SH3PXD2A: variants seen among roughly 807,000 people sequenced by gnomAD.
SH3PXD2A encodes the protein SH3 and PX domain-containing protein 2A.
In SH3PXD2A, 32 loss-of-function variants were observed where a neutral mutation model predicts 115.2. That is an observed-to-expected ratio of 0.28 (90% confidence interval 0.21 to 0.37). The LOEUF (loss-of-function observed/expected upper bound fraction) is 0.37, where lower values mean the gene tolerates loss of function less well. Ranked by LOEUF, SH3PXD2A falls within the 10% of genes least tolerant of loss-of-function variation. The pLI is 1.00. For synonymous variants in SH3PXD2A, 610 were observed against 629.1 expected, an observed-to-expected ratio of 0.97 and a Z score of 0.45; for missense variants, 1,328 against 1,498.7, an observed-to-expected ratio of 0.89 and a Z score of 1.88.
chr10:103,837,467 A>G (rs932348140), intron 1 of SH3PXD2A, among the ~76,000 whole-genome samples: 2 of 152,148 alleles, frequency 1.3e-5, no homozygotes, highest in African/African-American at 2.4e-5. Flanking sequence ...AGGGATGACA[A>G]TTAGCCCCCT....
intron 2 of SH3PXD2A, among the ~76,000 whole-genome samples, chr10:103,797,789 T>C (rs1382873324): frequency 6.6e-6 from 1 of 151,848 alleles, no homozygotes; most frequent in African/African-American, 2.4e-5. Flanking sequence ...TGGAGAGAAA[T>C]GGAAAAACCA....
chr10:103,645,775 C>T (rs2037026793), intron 8 of SH3PXD2A, among the ~76,000 whole-genome samples: 1 of 152,202 alleles, frequency 6.6e-6, no homozygotes, highest in Admixed American at 6.5e-5. Flanking sequence ...AAACAAAGTC[C>T]TCCTGGGTGC....
At chr10:103,660,444 G>C (rs923185269) in intron 8 of SH3PXD2A, among the ~76,000 whole-genome samples, 6 of 152,174 alleles carry the variant, frequency 3.9e-5, no homozygotes, top group African/African-American at 1.4e-4. Context: ...TGCTTTCCAG[G>C]TCCTGGGGCC....
chr10:103,798,291 T>C (rs2039114068), intron 2 of SH3PXD2A, among the ~76,000 whole-genome samples: 1 of 152,160 alleles, frequency 6.6e-6, no homozygotes, highest in Non-Finnish European at 1.5e-5. Flanking sequence ...CTTCACGACC[T>C]AAACTGGTTT....
At chr10:103,843,374 G>A (rs940920827) in intron 1 of SH3PXD2A, among the ~76,000 whole-genome samples, 3 of 152,174 alleles carry the variant, frequency 2.0e-5, no homozygotes, top group Admixed American at 6.5e-5. Flanking sequence ...AGCAAGCATG[G>A]GGCTGAAAAT....
chr10:103,611,526 T>C, intron 13 of SH3PXD2A, 55 bp downstream of exon 13: 1 of 1,469,830 alleles, frequency 6.8e-7, no homozygotes, highest in Non-Finnish European at 9.5e-7. Flanking sequence ...ATCGGGTGGC[T>C]ATAGCGCATT....
At chr10:103,839,076 C>T (rs2039572149) in intron 1 of SH3PXD2A, among the ~76,000 whole-genome samples, 1 of 152,188 alleles carries the variant, frequency 6.6e-6, no homozygotes, top group Admixed American at 6.5e-5. Flanking sequence ...GTGGGATCTG[C>T]TCACCAGCTC....
intron 13 of SH3PXD2A, chr10:103,608,566 C>T (rs1340099995): frequency 2.7e-5 from 4 of 150,864 alleles, no homozygotes; most frequent in African/African-American, 7.3e-5. Flanking sequence ...TTCTGCCAGG[C>T]CTTCAATTCA....
At chr10:103,760,960 T>A (rs187098170) in intron 3 of SH3PXD2A, among the ~76,000 whole-genome samples, 2 of 152,340 alleles carry the variant, frequency 1.3e-5, no homozygotes, top group Admixed American at 6.5e-5. Context: ...ACCTAAAAGA[T>A]CATGTGATTT....
intron 13 of SH3PXD2A, among the ~76,000 whole-genome samples, chr10:103,610,343 TG>T (rs1249442593): frequency 6.6e-6 from 1 of 152,234 alleles, no homozygotes; most frequent in Non-Finnish European, 1.5e-5. Flanking sequence ...TCCCCACATT[TG>T]GTAAGTGTGG....
intron 5 of SH3PXD2A, among the ~76,000 whole-genome samples, chr10:103,693,867 A>G (rs1489296411): frequency 6.6e-6 from 1 of 152,150 alleles, no homozygotes; most frequent in Middle Eastern, 3.2e-3. Flanking sequence ...AGTGGGTTCA[A>G]ATGCTGTCAG....
chr10:103,791,783 C>G (rs2039039284), intron 2 of SH3PXD2A, among the ~76,000 whole-genome samples: 1 of 152,000 alleles, frequency 6.6e-6, no homozygotes, highest in Admixed American at 6.6e-5. Flanking sequence ...CGAGAAGTTG[C>G]AAACTCCATC....
chr10:103,825,798 C>T (rs567883692), intron 1 of SH3PXD2A, among the ~76,000 whole-genome samples: 2 of 147,184 alleles, frequency 1.4e-5, no homozygotes, highest in African/African-American at 5.1e-5. Flanking sequence ...GAGTCTCGCT[C>T]TGTCACCCAG....
intron 3 of SH3PXD2A, chr10:103,747,033 A>C (rs1341523809): frequency 2.0e-5 from 3 of 152,396 alleles, no homozygotes; most frequent in East Asian, 3.9e-4. Flanking sequence ...AAGCCCACGA[A>C]CGTATCCTCA....
intron 1 of SH3PXD2A, among the ~76,000 whole-genome samples, chr10:103,835,613 C>T (rs2039529646): frequency 6.6e-6 from 1 of 152,168 alleles, no homozygotes; most frequent in Admixed American, 6.5e-5. Flanking sequence ...TCTACAGTCT[C>T]TTCTCCTGGA....
Position 103,620,080 on chromosome 10 carries a change from C to A in SH3PXD2A, c.802+2390G>T, listed in dbSNP as rs1476606883. Among the ~76,000 whole-genome samples the A allele has an allele frequency of 6.6e-6, 1 of 152,170 alleles. No homozygotes were observed. Among genetic ancestry groups the A allele is most frequent in the Non-Finnish European group, 1.5e-5 (1 of 68,024 alleles). On this transcript the variant is annotated intron_variant, in intron 10 of 14. Transcript: ENST00000369774. This position sits in a 1 kb window ranked among gnomAD's most constrained non-coding sequence, Gnocchi z 5.3. ...CTGGGCCACAAACCCCATCTGGGGGCGCCAGACAAGAGGAGGCCCAGACAG... is the reference window on the plus strand; with the variant it reads ...CTGGGCCACAAACCCCATCTGGGGGAGCCAGACAAGAGGAGGCCCAGACAG...
At chr10:103,640,248 G>T (rs1374689984) in intron 8 of SH3PXD2A, among the ~76,000 whole-genome samples, 1 of 152,156 alleles carries the variant, frequency 6.6e-6, no homozygotes, top group East Asian at 1.9e-4. Context: ...CCAGGAGGTG[G>T]AGGTTGCAGT....
At position 103,603,642 on chromosome 10, in the gene SH3PXD2A, C is replaced by T; in HGVS notation, c.1576G>A (p.Ala526Thr). The T allele has an allele frequency of 6.2e-7, 1 of 1,603,328 alleles. No individual in the cohort carries two copies. The change falls in exon 15 of 15, where the codon GCA (alanine) becomes ACA (threonine). Residue 526 changes from alanine to threonine, a missense_variant. By Grantham distance (58) the Ala-to-Thr change is moderately conservative. Coordinates refer to ENST00000369774, the MANE Select transcript of SH3PXD2A (RefSeq NM_001394015.1). ...TLTRPKVPPP[A>T]PPSKPKEAEE... The stretch of plus-strand genomic sequence containing the variant: ...GCCTCCTTGGGCTTGCTGGGGGGTG[C>T]TGGCGGGGGCACCTTGGGCCGGGTC...
rs1384835584 is a variant in SH3PXD2A, at chr10:103,596,613, T to C, written c.*5203A>G. The C allele has an allele frequency of 7.6e-6, 1 of 130,866 alleles. No individual in the cohort carries two copies. Among genetic ancestry groups the C allele is most frequent in the Admixed American group, 7.9e-5 (1 of 12,722 alleles). 8.1% of individuals were successfully genotyped at this position (130,866 alleles called of 1,614,324 possible). Reference sequence around the variant, plus strand: ...CATGTTATTTAGTTCAAGTGGGAAGTTACCAACACTTGCATACACAGACAC... The same window carrying C: ...CATGTTATTTAGTTCAAGTGGGAAGCTACCAACACTTGCATACACAGACAC... On this transcript the variant is annotated 3_prime_UTR_variant, in exon 15 of 15. Coordinates refer to ENST00000369774, the MANE Select transcript of SH3PXD2A (RefSeq NM_001394015.1).
Sources: gnomAD v4.1 joint callset for allele counts (sites outside exome capture counted in the v4.1 genomes callset) on GRCh38, gnomAD v4.1.1 for gene constraint, Gnocchi (gnomAD v3.1) non-coding constraint, MANE v1.5 for transcripts, NCBI Gene and HGNC (gene_info 2026-07-23, HGNC 2026-07-21) for gene names.